OR1L8: variants seen among roughly 807,000 people sequenced by gnomAD.
The protein encoded by OR1L8 is olfactory receptor 1L8.
For missense variants in OR1L8, 330 were observed against 377.4 expected (o/e 0.87, Z 1.04); for synonymous variants, 148 against 147.0 (o/e 1.01, Z -0.05).
intron 4 of OR1L8, among the ~76,000 whole-genome samples, chr9:122,571,226 A>C (rs960888369): frequency 2.0e-5 from 3 of 151,984 alleles, no homozygotes; most frequent in Admixed American, 2.0e-4. Flanking sequence ...CTTGAACACT[A>C]ATGAGGGACT....
chr9:122,575,288 G>A lies in OR1L8; in HGVS notation c.-342+1478C>T, dbSNP rs149967144. Among the ~76,000 whole-genome samples the A allele has an allele frequency of 6.6e-5, 10 of 152,122 alleles. No homozygotes were observed. In the East Asian group the frequency reaches 1.9e-3, roughly 29 times the overall value. On this transcript the variant is annotated intron_variant, in intron 3 of 4. Coordinates refer to ENST00000641027, the MANE Select transcript of OR1L8 (RefSeq NM_001004454.2). ...ATATAAATTCTTCTTTAAATGTTTA[G>A]TAGAATTCACCAGTGAACCCATCTG...
the OR1L8 span, among the ~76,000 whole-genome samples, chr9:122,558,776 T>A: frequency 5.1e-4 from 78 of 152,004 alleles, no homozygotes; most frequent in African/African-American, 1.9e-3. Flanking sequence ...TTGTAGTTGA[T>A]TTTGATATTC....
At chr9:122,582,830 C>G (rs950805584) in intron 1 of OR1L8, among the ~76,000 whole-genome samples, 1 of 151,936 alleles carries the variant, frequency 6.6e-6, no homozygotes, top group Non-Finnish European at 1.5e-5. Flanking sequence ...TAAAAATAAT[C>G]AGGAGTACAT....
intron 4 of OR1L8, among the ~76,000 whole-genome samples, chr9:122,569,207 C>T (rs1199609839): frequency 3.9e-5 from 6 of 152,098 alleles, no homozygotes; most frequent in Admixed American, 6.6e-5. Context: ...CATTAGTTTG[C>T]ACAAGTCTCC....
rs1829711300 is a variant in OR1L8 at position 122,579,436 on chromosome 9, C to CTTTAAGAGAGAAT, written c.-599-1004_-599-992dup. ...TGGAGATAAAGTCGCTCTTTCTCTC[C>CTTTAAGAGAGAAT]TTTAAGAGAGAATTGAAGTCATTTC... On this transcript the variant is annotated intron_variant, in intron 1 of 4. Coordinates refer to ENST00000641027, the MANE Select transcript of OR1L8 (RefSeq NM_001004454.2). Among the ~76,000 whole-genome samples the CTTTAAGAGAGAAT allele has an allele frequency of 2.6e-5, 4 of 152,150 alleles. No individual in the cohort carries two copies. In the South Asian group the frequency reaches 8.3e-4, roughly 32 times the overall value.
chr9:122,556,149 C>T, the OR1L8 span, among the ~76,000 whole-genome samples: 31 of 152,248 alleles, frequency 2.0e-4, no homozygotes, highest in East Asian at 4.4e-3. Context: ...TTCAGATTGG[C>T]TTCTTTCACT....
chr9:122,578,801 C>T (rs1829699797), intron 1 of OR1L8, among the ~76,000 whole-genome samples: 2 of 151,934 alleles, frequency 1.3e-5, no homozygotes, highest in African/African-American at 4.8e-5. Context: ...TTTGGGGACT[C>T]GGGAAAGGGT....
chr9:122,567,043 A>T (rs1205815828), downstream of OR1L8: 1 of 152,250 alleles, frequency 6.6e-6, no homozygotes, highest in East Asian at 1.9e-4. Context: ...TTAAGCAATA[A>T]AACATTTTTA....
At chr9:122,556,118 A>G in the OR1L8 span, among the ~76,000 whole-genome samples, 1 of 152,166 alleles carries the variant, frequency 6.6e-6, no homozygotes, top group South Asian at 2.1e-4. Flanking sequence ...ATGTAGTTGG[A>G]ATCATACAGT....
chr9:122,570,222 A>G lies in OR1L8; in HGVS notation c.-212-1533T>C, dbSNP rs546640705. ...TAATGGGATGGCTGGGTCAAATGGT[A>G]TTTCTAGTTCTAGATCCCTGAGGAA... On this transcript the variant is annotated intron_variant, in intron 4 of 4. Transcript: ENST00000641027. Among the ~76,000 whole-genome samples, 26 of 151,112 alleles carry G rather than the reference A, an allele frequency of 1.7e-4. No homozygotes were observed. In the East Asian group the frequency reaches 4.1e-3, roughly 24 times the overall value.
At chr9:122,553,641 T>G in the OR1L8 span, 1 of 1,614,188 alleles carries the variant, frequency 6.2e-7, no homozygotes, top group Non-Finnish European at 8.5e-7. Flanking sequence ...TCCCCAGCTC[T>G]GTGCACTAAT....
intron 3 of OR1L8, among the ~76,000 whole-genome samples, chr9:122,575,780 A>G (rs1160560419): frequency 6.6e-6 from 1 of 152,202 alleles, no homozygotes; most frequent in Non-Finnish European, 1.5e-5. Flanking sequence ...ATCTTATTTA[A>G]CAAAAATCCC....
chr9:122,567,770 G>A lies in OR1L8; in HGVS notation c.708C>T (p.Arg236=). Residue 236 remains arginine (R), a synonymous_variant, in exon 5 of 5, where the codon CGC becomes CGT. Transcript: ENST00000641027. ...AAAAACCACAGGTGGAGAAGGCTTT[G>A]CGTTTCCCAGAAGTAGAGGGAATCT... is the stretch of plus-strand genomic sequence containing the variant. The part of the protein sequence containing the change: ...VLKIPSTSGK[R]KAFSTCGFYL... 2 of 1,614,068 alleles carry A rather than the reference G, an allele frequency of 1.2e-6. No individual in the cohort carries two copies. The highest frequency in any genetic ancestry group is 1.7e-6 in the Non-Finnish European group (2 of 1,179,954).
At chr9:122,553,958 G>A in the OR1L8 span, 41 of 1,613,560 alleles carry the variant, frequency 2.5e-5, no homozygotes, top group South Asian at 5.5e-5. Flanking sequence ...CTCATCTCAC[G>A]GTGGTTCTGC....
At chr9:122,577,775 G>GA (rs1471014381) in intron 2 of OR1L8, among the ~76,000 whole-genome samples, 1 of 152,160 alleles carries the variant, frequency 6.6e-6, no homozygotes, top group East Asian at 1.9e-4. Flanking sequence ...GGAAACAGTT[G>GA]AAAGTGGTAC....
rs1355151487 is a variant in OR1L8 at position 122,576,791 on chromosome 9, TC to T, written c.-368del. 1 of 152,196 alleles carries T rather than the reference TC, an allele frequency of 6.6e-6. No individual in the cohort carries two copies. Among genetic ancestry groups the T allele is most frequent in the Admixed American group, 6.5e-5 (1 of 15,280 alleles). The allele number at this position is 152,196 out of a possible 1,614,324, so 9.4% of individuals were successfully genotyped here. On this transcript the variant is annotated 5_prime_UTR_variant, in exon 3 of 5. It introduces an in-frame stop codon into an upstream open reading frame of the 5' UTR. Transcript: ENST00000641027. ...CTTAGCACTGATTCCTGCAGAGGCTTCTGTTTGTGGGTTTCTGCTCCAGTAA... is the reference window on the plus strand; with the variant it reads ...CTTAGCACTGATTCCTGCAGAGGCTTTGTTTGTGGGTTTCTGCTCCAGTAA...
Position 122,568,373 on chromosome 9 carries a change from C to G in OR1L8, c.105G>C (p.Val35=), listed in dbSNP as rs141899706. 2.7e-4 allele frequency: 436 copies of G among 1,613,804 alleles called. No homozygotes were observed. Among genetic ancestry groups the G allele is most frequent in the South Asian group, 1.4e-3 (129 of 91,072 alleles). The change falls in exon 5 of 5, where the codon GTG becomes GTC. Residue 35 remains valine, a synonymous_variant. Transcript: ENST00000641027. The part of the protein sequence containing the change: ...QKTLFVLFLI[V]YLVTITGNLL... ...GGTTCCCTGTTATGGTGACCAGGTA[C>G]ACGATGAGGAAGAGAACAAAGAGTG... is the stretch of plus-strand genomic sequence containing the variant.
At chr9:122,562,911 G>A (rs562632479), downstream of OR1L8, among the ~76,000 whole-genome samples, 4 of 152,198 alleles carry the variant, frequency 2.6e-5, no homozygotes, top group South Asian at 8.3e-4. Context: ...AAAAAAATCC[G>A]TGTATCCACT....
chr9:122,571,016 T>A (rs1257119943), intron 4 of OR1L8, among the ~76,000 whole-genome samples: 1 of 152,204 alleles, frequency 6.6e-6, no homozygotes, highest in Non-Finnish European at 1.5e-5. Context: ...CCTCTTCATA[T>A]TTTGGTAAAG....
Sources: gnomAD v4.1 joint callset for allele counts (sites outside exome capture counted in the v4.1 genomes callset) on GRCh38, gnomAD v4.1.1 for gene constraint, MANE v1.5 for transcripts, NCBI Gene and HGNC (gene_info 2026-07-23, HGNC 2026-07-21) for gene names.